The following CNTNAP2 variants were observed in gnomAD, a reference collection of about 807,000 sequenced individuals.
The protein encoded by CNTNAP2 is contactin-associated protein-like 2.
In CNTNAP2, 98 loss-of-function variants were observed where a neutral mutation model predicts 155.2. That is an observed-to-expected ratio of 0.63 (90% CI 0.54 to 0.75). The LOEUF (loss-of-function observed/expected upper bound fraction) is 0.75, where lower values mean the gene tolerates loss of function less well. Ranked by LOEUF, CNTNAP2 falls within the 30% of genes least tolerant of loss-of-function variation. CNTNAP2 has a pLI of 0.00. For synonymous variants in CNTNAP2, 651 were observed against 631.2 expected, an observed-to-expected ratio of 1.03 and a Z score of -0.47; for missense variants, 1,727 against 1,688.1, an observed-to-expected ratio of 1.02 and a Z score of -0.40.
At chr7:147,313,264 T>C (rs1795159124) in intron 9 of CNTNAP2, among the ~76,000 whole-genome samples, 1 of 152,114 alleles carries the variant, frequency 6.6e-6, no homozygotes, top group African/African-American at 2.4e-5. Context: ...CTCTTTAGTT[T>C]AATTAGATCC....
At chr7:148,313,041 C>A (rs1387425444) in intron 21 of CNTNAP2, among the ~76,000 whole-genome samples, 1 of 151,354 alleles carries the variant, frequency 6.6e-6, no homozygotes, top group East Asian at 1.9e-4. Context: ...GGGAACTGGG[C>A]AGGTTGGGGA....
rs68125550 is a variant in CNTNAP2, at chr7:146,356,052, T to TACAC, written c.97+239118_97+239121dup. ...AACATATATGAAGTATACATACGAA[T>TACAC]ACACACACACACACACACACACACA... On this transcript the variant is annotated intron_variant, in intron 1 of 23. Coordinates refer to ENST00000361727, the MANE Select transcript of CNTNAP2 (RefSeq NM_014141.6). Among the ~76,000 whole-genome samples the TACAC allele has an allele frequency of 8.8e-3, 1,267 of 144,182 alleles. 11 individuals are homozygous for TACAC. Among genetic ancestry groups the TACAC allele is most frequent in the South Asian group, 0.039 (172 of 4,368 alleles). 94.6% of individuals were successfully genotyped at this position (144,182 alleles called of 152,430 possible).
intron 3 of CNTNAP2, among the ~76,000 whole-genome samples, chr7:146,896,830 T>A (rs1467447903): frequency 6.6e-6 from 1 of 152,112 alleles, no homozygotes; most frequent in Non-Finnish European, 1.5e-5. Context: ...CTAGTAAAAT[T>A]ATAATGTTTA....
intron 1 of CNTNAP2, among the ~76,000 whole-genome samples, chr7:146,119,742 A>G (rs1322823392): frequency 6.6e-6 from 1 of 152,118 alleles, no homozygotes; most frequent in Non-Finnish European, 1.5e-5. Context: ...ATAAAGGCCA[A>G]TTTACATCAT....
chr7:146,822,760 A>C (rs1326415077), intron 2 of CNTNAP2, among the ~76,000 whole-genome samples: 3 of 146,826 alleles, frequency 2.0e-5, no homozygotes, highest in Admixed American at 6.9e-5. Context: ...TATACTTAAG[A>C]ATATTTATAA....
At chr7:146,649,786 A>C (rs77345065) in intron 1 of CNTNAP2, among the ~76,000 whole-genome samples, 1 of 151,954 alleles carries the variant, frequency 6.6e-6, no homozygotes, top group Non-Finnish European at 1.5e-5. Context: ...TTCTCTTCCT[A>C]TTTCTTGGGA....
chr7:148,316,912 C>T (rs117655513), intron 21 of CNTNAP2, among the ~76,000 whole-genome samples: 100 of 152,292 alleles, frequency 6.6e-4, no homozygotes, highest in Non-Finnish European at 1.1e-3. Flanking sequence ...CATTCCCAAT[C>T]CATTTATCTG....
At chr7:147,169,004 G>T (rs188035270) in intron 8 of CNTNAP2, among the ~76,000 whole-genome samples, 3 of 152,074 alleles carry the variant, frequency 2.0e-5, no homozygotes, top group Non-Finnish European at 4.4e-5. Context: ...ACAATGCAAA[G>T]CACTTCGTTC....
chr7:146,447,131 A>G (rs1796413366), intron 1 of CNTNAP2, among the ~76,000 whole-genome samples: 1 of 152,058 alleles, frequency 6.6e-6, no homozygotes, highest in South Asian at 2.1e-4. Context: ...TCAGATTAAT[A>G]TACTTCTGCT....
chr7:148,268,333 A>T (rs774380761), intron 21 of CNTNAP2, among the ~76,000 whole-genome samples: 3 of 152,094 alleles, frequency 2.0e-5, no homozygotes, highest in Non-Finnish European at 2.9e-5. Context: ...TCACAAAATG[A>T]GGAGTGAGTA....
At chr7:146,999,869 A>T (rs900752560) in intron 3 of CNTNAP2, among the ~76,000 whole-genome samples, 1 of 152,026 alleles carries the variant, frequency 6.6e-6, no homozygotes, top group African/African-American at 2.4e-5. Flanking sequence ...TTTTAAATTA[A>T]ATCAGAATGA....
chr7:147,875,669 A>C (rs1799410216), intron 13 of CNTNAP2, among the ~76,000 whole-genome samples: 1 of 152,172 alleles, frequency 6.6e-6, no homozygotes, highest in African/African-American at 2.4e-5. Flanking sequence ...AGGTAGTAGG[A>C]TACCTTGAGC....
intron 15 of CNTNAP2, among the ~76,000 whole-genome samples, chr7:148,093,600 A>G (rs1253371125): frequency 6.6e-6 from 1 of 152,218 alleles, no homozygotes; most frequent in Non-Finnish European, 1.5e-5. Flanking sequence ...TGTCCCTTAC[A>G]CATACCTTCG....
At chr7:147,333,221 A>G (rs1303021821) in intron 9 of CNTNAP2, among the ~76,000 whole-genome samples, 1 of 152,196 alleles carries the variant, frequency 6.6e-6, no homozygotes, top group African/African-American at 2.4e-5. Context: ...CAGAGAAAAC[A>G]GAAGGCATAG....
chr7:148,301,828 G>A (rs1012501515), intron 21 of CNTNAP2, among the ~76,000 whole-genome samples: 1 of 152,224 alleles, frequency 6.6e-6, no homozygotes, highest in African/African-American at 2.4e-5. Flanking sequence ...CTGCGTCAAA[G>A]TGAAGCATTG....
chr7:146,938,654 A>T (rs1218757816), intron 3 of CNTNAP2, among the ~76,000 whole-genome samples: 1 of 151,830 alleles, frequency 6.6e-6, no homozygotes, highest in African/African-American at 2.4e-5. Context: ...TTTTATTCTG[A>T]TTGCCATGTA....
chr7:147,364,467 A>G (rs1000141324), intron 9 of CNTNAP2, among the ~76,000 whole-genome samples: 1 of 152,210 alleles, frequency 6.6e-6, no homozygotes, highest in Admixed American at 6.5e-5. Context: ...ACATGCTGTC[A>G]TCCATCAGAC....
chr7:147,819,041 A>C (rs1266991420), intron 13 of CNTNAP2, among the ~76,000 whole-genome samples: 1 of 152,148 alleles, frequency 6.6e-6, no homozygotes, highest in Admixed American at 6.5e-5. Context: ...TGTTCTACAG[A>C]GCAATTTGGT....
At chr7:147,673,683 T>C (rs553718293) in intron 13 of CNTNAP2, among the ~76,000 whole-genome samples, 1 of 152,278 alleles carries the variant, frequency 6.6e-6, no homozygotes, top group African/African-American at 2.4e-5. Flanking sequence ...CTAACCATAG[T>C]TCTGGGGAGT....
Sources: gnomAD v4.1 joint callset for allele counts (sites outside exome capture counted in the v4.1 genomes callset) on GRCh38, gnomAD v4.1.1 for gene constraint, MANE v1.5 for transcripts, NCBI Gene and HGNC (gene_info 2026-07-23, HGNC 2026-07-21) for gene names.